DYNC1I1: variants seen among roughly 807,000 people sequenced by gnomAD.
The protein encoded by DYNC1I1 is cytoplasmic dynein 1 intermediate chain 1.
DYNC1I1 carries 43 observed loss-of-function variants against 86.6 expected under a neutral mutation model. The ratio of observed to expected loss-of-function variants is 0.50; its 90% CI spans 0.39 to 0.64. The LOEUF is 0.64. DYNC1I1 is among the 30% of genes least tolerant of loss of function. DYNC1I1 has a pLI of 0.00. For missense variants in DYNC1I1, 604 were observed against 788.8 expected, an observed-to-expected ratio of 0.77 and a Z score of 2.81; for synonymous variants, 262 against 283.7, an observed-to-expected ratio of 0.92 and a Z score of 0.77.
chr7:95,812,928 A>G (rs907047552), intron 3 of DYNC1I1, among the ~76,000 whole-genome samples: 1 of 152,194 alleles, frequency 6.6e-6, no homozygotes, highest in Non-Finnish European at 1.5e-5. Flanking sequence ...GGTTCATGTT[A>G]GAGAGATATT....
At chr7:96,053,450 A>T (rs1037278243) in intron 14 of DYNC1I1, among the ~76,000 whole-genome samples, 1 of 152,000 alleles carries the variant, frequency 6.6e-6, no homozygotes, top group Non-Finnish European at 1.5e-5. Context: ...ATTGTTTTTA[A>T]ATTTGGGGGG....
intron 1 of DYNC1I1, among the ~76,000 whole-genome samples, chr7:95,774,334 CTTCT>C (rs1215880287): frequency 4.3e-5 from 3 of 69,068 alleles, no homozygotes; most frequent in African/African-American, 1.2e-4. Flanking sequence ...TTGCTTCCTC[CTTCT>C]TTGGACCTCT....
chr7:95,859,309 A>T (rs952942931), intron 5 of DYNC1I1, among the ~76,000 whole-genome samples: 1 of 152,022 alleles, frequency 6.6e-6, no homozygotes, highest in Non-Finnish European at 1.5e-5. Context: ...CAGTTCATAT[A>T]TCTCCTTTTC....
At chr7:95,784,511 G>A (rs1304229813) in intron 1 of DYNC1I1, among the ~76,000 whole-genome samples, 2 of 152,106 alleles carry the variant, frequency 1.3e-5, no homozygotes, top group African/African-American at 4.8e-5. Context: ...CCCACTCCTT[G>A]AATGCAAAGT....
intron 4 of DYNC1I1, among the ~76,000 whole-genome samples, chr7:95,823,952 C>CTACATATATATATATATATATATATATA (rs1554393640): frequency 2.6e-5 from 2 of 77,902 alleles, no homozygotes; most frequent in Non-Finnish European, 4.4e-5. Flanking sequence ...TTCTACTAAA[C>CTACATATATATATATATATATATATATA]TATATATATA....
intron 5 of DYNC1I1, among the ~76,000 whole-genome samples, chr7:95,843,304 C>T (rs1266563192): frequency 6.6e-6 from 1 of 152,184 alleles, no homozygotes; most frequent in Non-Finnish European, 1.5e-5. Context: ...CTTCTCTCTG[C>T]CGTATTTTCC....
At chr7:95,805,801 C>T (rs1489088194) in intron 2 of DYNC1I1, among the ~76,000 whole-genome samples, 2 of 152,166 alleles carry the variant, frequency 1.3e-5, no homozygotes, top group African/African-American at 4.8e-5. Flanking sequence ...ACCAGAGCTG[C>T]TTCCCTATGC....
intron 6 of DYNC1I1, among the ~76,000 whole-genome samples, chr7:95,941,602 G>A (rs1014758619): frequency 2.0e-5 from 3 of 152,210 alleles, no homozygotes; most frequent in African/African-American, 7.2e-5. Flanking sequence ...AGGACCCTCC[G>A]AGCCAGGTGC....
At chr7:96,103,806 G>T (rs976647215) in intron 16 of DYNC1I1, among the ~76,000 whole-genome samples, 4 of 152,086 alleles carry the variant, frequency 2.6e-5, no homozygotes, top group Non-Finnish European at 5.9e-5. Flanking sequence ...TAGAGACGGG[G>T]TTTTACCGTG....
At chr7:95,995,917 A>C (rs377147430) in intron 9 of DYNC1I1, 31 bp from the exon 10 acceptor site, 7 of 1,562,730 alleles carry the variant, frequency 4.5e-6, no homozygotes, top group Non-Finnish European at 6.0e-6. Flanking sequence ...TCATCTTAGC[A>C]TAATTCATCC....
intron 5 of DYNC1I1, among the ~76,000 whole-genome samples, chr7:95,853,614 G>C (rs969650939): frequency 2.6e-5 from 4 of 152,178 alleles, no homozygotes; most frequent in Admixed American, 1.3e-4. Flanking sequence ...ATGTGCAGTT[G>C]AGAAGAATGT....
intron 1 of DYNC1I1, among the ~76,000 whole-genome samples, chr7:95,786,533 C>G (rs1024153721): frequency 3.3e-5 from 5 of 152,160 alleles, no homozygotes; most frequent in African/African-American, 1.2e-4. Context: ...CCACAGTACC[C>G]AGAACAGCAC....
rs142531937 is a variant in DYNC1I1, at chr7:96,068,500, G to A, written c.1510-7557G>A. On this transcript the variant is annotated intron_variant, in intron 14 of 16. Transcript: ENST00000447467. ...GTGTCTTTTATATATATGGTCAATT[G>A]TTGACGCAAGAGGTAGAATTAAACG... Among the ~76,000 whole-genome samples the A allele has an allele frequency of 5.2e-3, 788 of 152,258 alleles. 8 individuals are homozygous for A. The highest frequency in any genetic ancestry group is 0.018 in the African/African-American group (754 of 41,544).
chr7:96,021,653 A>T (rs925662133), intron 10 of DYNC1I1, among the ~76,000 whole-genome samples: 1 of 152,206 alleles, frequency 6.6e-6, no homozygotes, highest in Non-Finnish European at 1.5e-5. Flanking sequence ...CCCCATATTT[A>T]GTAGTCATTC....
At chr7:96,020,955 T>A (rs319317) in intron 10 of DYNC1I1, among the ~76,000 whole-genome samples, 97,336 of 151,904 alleles carry the variant, frequency 0.64, 32,256 homozygotes, top group African/African-American at 0.83. Flanking sequence ...ATTTGTAGAG[T>A]CAGAAAGTAG....
At chr7:95,813,199 A>C in intron 3 of DYNC1I1, 48 bp from the exon 4 acceptor site, 1 of 1,610,702 alleles carries the variant, frequency 6.2e-7, no homozygotes, top group Non-Finnish European at 8.5e-7. Context: ...TCACCAGTGC[A>C]GCCGCTGCAT....
At chr7:95,854,050 T>G (rs1325629247) in intron 5 of DYNC1I1, among the ~76,000 whole-genome samples, 1 of 152,214 alleles carries the variant, frequency 6.6e-6, no homozygotes, top group East Asian at 1.9e-4. Flanking sequence ...TCCTTACAAG[T>G]GAAGTGAGTC....
chr7:95,905,909 G>A (rs185241071), intron 6 of DYNC1I1, among the ~76,000 whole-genome samples: 57 of 152,172 alleles, frequency 3.7e-4, no homozygotes, highest in African/African-American at 1.3e-3. Context: ...ATGATATACT[G>A]TTCTTTATAA....
intron 1 of DYNC1I1, among the ~76,000 whole-genome samples, chr7:95,785,412 TCAAACAAA>T (rs755033672): frequency 1.2e-4 from 19 of 152,142 alleles, no homozygotes; most frequent in East Asian, 5.8e-4. Flanking sequence ...AGACTCTATC[TCAAACAAA>T]CAAACAAACA....
Sources: allele counts gnomAD v4.1 joint callset (sites outside exome capture counted in the v4.1 genomes callset), GRCh38; gene constraint gnomAD v4.1.1; transcripts MANE v1.5; gene names NCBI Gene and HGNC (gene_info 2026-07-23, HGNC 2026-07-21).